CNTN5: variants seen among roughly 807,000 people sequenced by gnomAD.
CNTN5 encodes the protein contactin-5.
A neutral mutation model predicts 129.1 loss-of-function variants in CNTN5; 77 were observed. The ratio of observed to expected loss-of-function variants is 0.60; its 90% CI spans 0.50 to 0.72. The LOEUF (loss-of-function observed/expected upper bound fraction) is 0.72, where lower values mean the gene tolerates loss of function less well. Ranked by LOEUF, CNTN5 falls within the 30% of genes least tolerant of loss-of-function variation. The pLI, the probability that CNTN5 is intolerant of heterozygous loss-of-function variation, is 0.00. For synonymous variants in CNTN5, 509 were observed against 465.6 expected, an observed-to-expected ratio of 1.09 and a Z score of -1.20; for missense variants, 1,478 against 1,328.8, an observed-to-expected ratio of 1.11 and a Z score of -1.75.
At chr11:100,025,203 C>T (rs1398510448) in intron 9 of CNTN5, among the ~76,000 whole-genome samples, 1 of 152,180 alleles carries the variant, frequency 6.6e-6, no homozygotes, top group Non-Finnish European at 1.5e-5. Flanking sequence ...TGAAAGAGGC[C>T]AAAATACAGC....
At chr11:99,124,400 G>T (rs746878531) in intron 1 of CNTN5, among the ~76,000 whole-genome samples, 6 of 152,084 alleles carry the variant, frequency 3.9e-5, no homozygotes, top group East Asian at 3.9e-4. Context: ...CTTTGCTAAA[G>T]TTGTTGGTAA....
At chr11:99,837,586 C>A (rs1172618163) in intron 4 of CNTN5, among the ~76,000 whole-genome samples, 1 of 151,268 alleles carries the variant, frequency 6.6e-6, no homozygotes, top group East Asian at 1.9e-4. Flanking sequence ...TCACATGGCC[C>A]CATGTCAAAC....
chr11:99,491,655 A>T (rs537506182), intron 2 of CNTN5, among the ~76,000 whole-genome samples: 1 of 152,298 alleles, frequency 6.6e-6, no homozygotes, highest in South Asian at 2.1e-4. Context: ...ATTCTGTTGC[A>T]TATTTCCTTG....
chr11:100,123,194 T>A (rs1300595621), intron 13 of CNTN5, among the ~76,000 whole-genome samples: 1 of 152,064 alleles, frequency 6.6e-6, no homozygotes, highest in Non-Finnish European at 1.5e-5. Context: ...AACTAATGAT[T>A]CAGCTTTAAA....
At chr11:99,290,839 T>C (rs1304270996) in intron 1 of CNTN5, among the ~76,000 whole-genome samples, 4 of 152,026 alleles carry the variant, frequency 2.6e-5, no homozygotes, top group South Asian at 2.1e-4. Context: ...GGTGAAAGTT[T>C]CTAACTTTTG....
chr11:99,694,685 G>T (rs1264163252), intron 3 of CNTN5, among the ~76,000 whole-genome samples: 1 of 151,864 alleles, frequency 6.6e-6, no homozygotes, highest in African/African-American at 2.4e-5. Context: ...CCACCCCCTG[G>T]CAGTCAGCAG....
intron 2 of CNTN5, among the ~76,000 whole-genome samples, chr11:99,346,683 G>A (rs1430227539): frequency 6.6e-6 from 1 of 152,170 alleles, no homozygotes; most frequent in Admixed American, 6.5e-5. Context: ...CTTATTCCCA[G>A]TGGTATTATA....
chr11:99,719,340 G>T (rs770940370), intron 3 of CNTN5, among the ~76,000 whole-genome samples: 2 of 151,788 alleles, frequency 1.3e-5, no homozygotes, highest in African/African-American at 4.8e-5. Flanking sequence ...ATGGAACATA[G>T]TAACATAATA....
At chr11:99,948,315 C>G (rs1463975346) in intron 7 of CNTN5, among the ~76,000 whole-genome samples, 1 of 152,122 alleles carries the variant, frequency 6.6e-6, no homozygotes, top group African/African-American at 2.4e-5. Context: ...TTTCAGGTCC[C>G]CGTGCTGGTA....
chr11:100,329,679 C>G (rs567514543), intron 21 of CNTN5, among the ~76,000 whole-genome samples: 1 of 152,292 alleles, frequency 6.6e-6, no homozygotes, highest in East Asian at 1.9e-4. Context: ...CAATGCCAGC[C>G]AGAATACCAG....
In CNTN5 at chr11:99,846,176, C is replaced by A. The variant is rs11221599; in HGVS notation, c.577+914C>A. ...CACACACACACGAATATAAACATTT[C>A]TAAAGTAGATAATACACCTGATTAA... On this transcript the variant is annotated intron_variant, in intron 6 of 24. Transcript: ENST00000524871. 3.8e-5 allele frequency among the ~76,000 whole-genome samples: 5 copies of A among 131,956 alleles called. No individual in the cohort carries two copies. In the East Asian group the frequency reaches 1.0e-3, roughly 27 times the overall value. 86.6% of individuals were successfully genotyped at this position (131,956 alleles called of 152,430 possible).
chr11:100,267,893 T>C (rs1377105598), intron 17 of CNTN5, among the ~76,000 whole-genome samples: 1 of 152,100 alleles, frequency 6.6e-6, no homozygotes, highest in Non-Finnish European at 1.5e-5. Flanking sequence ...GATTGAGAGA[T>C]GATGGTGCTT....
chr11:99,221,328 C>T (rs1860386609), intron 1 of CNTN5, among the ~76,000 whole-genome samples: 1 of 151,866 alleles, frequency 6.6e-6, no homozygotes, highest in Admixed American at 6.6e-5. Flanking sequence ...CAGGCTATCT[C>T]AGAGACACAG....
chr11:99,743,179 A>G (rs979561581), intron 3 of CNTN5, among the ~76,000 whole-genome samples: 4 of 152,196 alleles, frequency 2.6e-5, no homozygotes, highest in African/African-American at 9.6e-5. Context: ...CAATTATATC[A>G]GGAATTTGTA....
At chr11:100,064,444 A>C (rs1943613777) in intron 10 of CNTN5, among the ~76,000 whole-genome samples, 1 of 152,188 alleles carries the variant, frequency 6.6e-6, no homozygotes, top group African/African-American at 2.4e-5. Flanking sequence ...CAAGAAGTCC[A>C]TGGTAGTTAA....
At chr11:99,634,290 T>G (rs1951469295) in intron 3 of CNTN5, among the ~76,000 whole-genome samples, 1 of 152,140 alleles carries the variant, frequency 6.6e-6, no homozygotes, top group Admixed American at 6.5e-5. Flanking sequence ...GGAACAGTGA[T>G]GAAAGTCAAG....
At chr11:100,065,702 A>G (rs1943667704) in intron 10 of CNTN5, among the ~76,000 whole-genome samples, 2 of 152,214 alleles carry the variant, frequency 1.3e-5, no homozygotes, top group East Asian at 1.9e-4. Flanking sequence ...GCTACTTCTC[A>G]GTGAGACACT....
At chr11:99,752,093 T>A in intron 3 of CNTN5, among the ~76,000 whole-genome samples, 1 of 152,172 alleles carries the variant, frequency 6.6e-6, no homozygotes, top group African/African-American at 2.4e-5. Flanking sequence ...TGTAAATTAC[T>A]CAGACTAAGT....
chr11:99,904,012 A>G (rs1949427529), intron 6 of CNTN5, among the ~76,000 whole-genome samples: 1 of 152,164 alleles, frequency 6.6e-6, no homozygotes, highest in Non-Finnish European at 1.5e-5. Context: ...CAAATATAAC[A>G]GATGCTGGTG....
Sources: allele counts gnomAD v4.1 joint callset (sites outside exome capture counted in the v4.1 genomes callset), GRCh38; gene constraint gnomAD v4.1.1; transcripts MANE v1.5; gene names NCBI Gene and HGNC (gene_info 2026-07-23, HGNC 2026-07-21).